Variants in RP2 observed in about 807,000 individuals in gnomAD.
RP2 encodes RP2 activator of ARL3 GTPase.
A neutral mutation model predicts 20.3 loss-of-function variants in RP2; 3 were observed. The ratio of observed to expected loss-of-function variants is 0.15; its 90% CI spans 0.07 to 0.38. The LOEUF is 0.38. RP2 is among the 10% of genes least tolerant of loss of function. The probability of loss-of-function intolerance (pLI) is 1.00; values close to 1 mark genes in which losing one functional copy is unlikely to be tolerated. For missense variants in RP2, 233 were observed against 268.5 expected (o/e 0.87, Z 0.92); for synonymous variants, 75 against 94.8 (o/e 0.79, Z 1.22).
At position 46,839,993 on chromosome X, in the gene RP2, G is replaced by A. The variant is rs782278786; in HGVS notation, c.102+2791G>A. On this transcript the variant is annotated intron_variant, in intron 1 of 4. Coordinates refer to ENST00000218340, the MANE Select transcript of RP2 (RefSeq NM_006915.3). ...TATCTTTTTTTGATGTTTTCTTTTT[G>A]AGATGGAGTCTGGCTCTGTCATCGC... Among the ~76,000 whole-genome samples, 311 of 111,631 alleles carry A rather than the reference G, an allele frequency of 2.8e-3. 2 individuals carry two copies. The highest frequency in any genetic ancestry group is 9.6e-3 in the African/African-American group (295 of 30,751).
chrX:46,850,682 C>G (rs1276921113), intron 1 of RP2, among the ~76,000 whole-genome samples: 1 of 111,680 alleles, frequency 9.0e-6, no homozygotes, highest in Non-Finnish European at 1.9e-5. Flanking sequence ...ACCTAATGAG[C>G]TCTAGCTTAT....
chrX:46,847,722 G>GTGTGTGTATATACACACATA (rs1569531349), intron 1 of RP2, among the ~76,000 whole-genome samples: 816 of 73,499 alleles, frequency 0.011, 15 homozygotes, highest in African/African-American at 0.04. Flanking sequence ...ACACATATAT[G>GTGTGTGTATATACACACATA]TGTGTGTGTA....
chrX:46,865,113 C>CT (rs1925148257), intron 3 of RP2, among the ~76,000 whole-genome samples: 1 of 112,430 alleles, frequency 8.9e-6, no homozygotes, highest in Non-Finnish European at 1.9e-5. Context: ...GTACATTTGT[C>CT]AAAGCTAAGA....
chrX:46,878,624 A>G (rs1925415931), intron 4 of RP2, among the ~76,000 whole-genome samples: 1 of 111,280 alleles, frequency 9.0e-6, no homozygotes, highest in South Asian at 3.7e-4. Context: ...TCATTTTATC[A>G]TCACAGTAGT....
Position 46,842,903 on chromosome X carries a change from A to G in RP2, c.102+5701A>G, listed in dbSNP as rs1309851948. On this transcript the variant is annotated intron_variant, in intron 1 of 4. Coordinates refer to ENST00000218340, the MANE Select transcript of RP2 (RefSeq NM_006915.3). Reference sequence around the variant, plus strand: ...TTTGTCTATTATGGATAATGGTGCTATGAACATTTGTATACAAGTTTTTGT... The same window carrying G: ...TTTGTCTATTATGGATAATGGTGCTGTGAACATTTGTATACAAGTTTTTGT... 1.8e-4 allele frequency among the ~76,000 whole-genome samples: 20 copies of G among 110,841 alleles called. No individual in the cohort carries two copies. In the Admixed American group the frequency reaches 1.8e-3, roughly 10 times the overall value.
At chrX:46,848,155 G>T (rs1376346622) in intron 1 of RP2, among the ~76,000 whole-genome samples, 1 of 108,144 alleles carries the variant, frequency 9.2e-6, no homozygotes, top group Non-Finnish European at 1.9e-5. Flanking sequence ...CTTCTATTCA[G>T]ACTGGATTTT....
chrX:46,837,301 C>T lies in RP2; in HGVS notation c.102+99C>T, dbSNP rs953251788. The T allele has an allele frequency of 9.3e-6, 8 of 857,944 alleles. No homozygotes were observed. In the African/African-American group the frequency reaches 1.4e-4, roughly 15 times the overall value. 70.7% of individuals were successfully genotyped at this position (857,944 alleles called of 1,213,427 possible). On this transcript the variant is annotated intron_variant, in intron 1 of 4. Transcript: ENST00000218340. ...CTGAGGGGGCCGACCCAACTGCTGC[C>T]GCACTCTCTTGAACGCGGATAGCTG... is the stretch of plus-strand genomic sequence containing the variant.
At chrX:46,847,776 G>GTGTGTGTGTATATA (rs1556316807) in intron 1 of RP2, among the ~76,000 whole-genome samples, 1 of 74,620 alleles carries the variant, frequency 1.3e-5, no homozygotes, top group African/African-American at 7.1e-5. Context: ...ATGTGTGTGT[G>GTGTGTGTGTATATA]TACATACACA....
In RP2 at chrX:46,853,655, A is replaced by G. The variant is rs782481252; in HGVS notation, c.282A>G (p.Gly94=). The G allele has an allele frequency of 2.5e-6, 3 of 1,209,930 alleles. No homozygotes were observed. The African/African-American group carries it at 5.2e-5, about 21-fold the overall frequency. Residue 94 remains glycine (G), a synonymous_variant, in exon 2 of 5, where the codon GGA becomes GGG. Transcript: ENST00000218340. ...GTACTAACTGCATAATTTTTCTGGG[A>G]CCCGTGAAAGGCAGCGTGTTTTTCC... ...DDCTNCIIFL[G]PVKGSVFFRN...
intron 1 of RP2, among the ~76,000 whole-genome samples, chrX:46,850,318 T>G (rs1367822000): frequency 8.9e-6 from 1 of 112,199 alleles, no homozygotes; most frequent in Non-Finnish European, 1.9e-5. Context: ...TCATCCCATC[T>G]TCTTCTTCCC....
rs782746455 is a variant in RP2 at position 46,854,040 on chromosome X, A to G, written c.667A>G (p.Ile223Val). 1.7e-5 allele frequency: 21 copies of G among 1,211,803 alleles called. No homozygotes were observed. Among genetic ancestry groups the G allele is most frequent in the Admixed American group, 2.2e-5 (1 of 46,001 alleles). The change falls in exon 2 of 5, where the codon ATA (isoleucine) becomes GTA (valine). Residue 223 changes from isoleucine (I) to valine (V), a missense_variant. Coordinates refer to ENST00000218340, the MANE Select transcript of RP2 (RefSeq NM_006915.3). ...STEANRSIVP[I>V]SRGQRQKSSD... ...AGAAGCCAATAGAAGCATTGTTCCAATATCCCGGGGTCAGAGACAGAAGAG... is the reference window on the plus strand; with the variant it reads ...AGAAGCCAATAGAAGCATTGTTCCAGTATCCCGGGGTCAGAGACAGAAGAG...
Position 46,853,947 on chromosome X carries a change from G to A in RP2, c.574G>A (p.Asp192Asn). 5.8e-6 allele frequency: 7 copies of A among 1,211,906 alleles called. No individual in the cohort carries two copies. The highest frequency in any genetic ancestry group is 7.8e-6 in the Non-Finnish European group (7 of 895,531). ...GELNWSLLPE[D>N]AVVQDYVPIP... The stretch of plus-strand genomic sequence containing the variant: ...ACTCAACTGGAGCCTTCTTCCAGAA[G>A]ATGCTGTGGTTCAGGACTATGTTCC... The change falls in exon 2 of 5, where the codon GAT (aspartate) becomes AAT (asparagine). Residue 192 changes from aspartate (D) to asparagine (N), a missense_variant. Asp to Asn is a conservative substitution (Grantham distance 23). Coordinates refer to ENST00000218340, the MANE Select transcript of RP2 (RefSeq NM_006915.3).
chrX:46,856,902 TATATA>T (rs1237719657), intron 2 of RP2, among the ~76,000 whole-genome samples: 6 of 112,018 alleles, frequency 5.4e-5, no homozygotes, highest in Non-Finnish European at 9.4e-5. Flanking sequence ...ACAAAAGACT[TATATA>T]TTATATTGAG....
intron 3 of RP2, among the ~76,000 whole-genome samples, chrX:46,864,742 A>G (rs1925140551): frequency 8.9e-6 from 1 of 111,854 alleles, no homozygotes; most frequent in Non-Finnish European, 1.9e-5. Flanking sequence ...CACCCCAGAA[A>G]GCCTGATTCA....
intron 2 of RP2, among the ~76,000 whole-genome samples, chrX:46,858,190 C>T (rs1399526358): frequency 9.0e-6 from 1 of 111,652 alleles, no homozygotes; most frequent in African/African-American, 3.3e-5. Context: ...TAAATGTTAA[C>T]AGGCATGCTT....
Position 46,879,696 on chromosome X carries a change from C to T in RP2, c.980C>T (p.Ser327Phe). The T allele has an allele frequency of 8.4e-7, 1 of 1,189,611 alleles. No individual in the cohort carries two copies. Among genetic ancestry groups the T allele is most frequent in the Non-Finnish European group, 1.1e-6 (1 of 878,474 alleles). ...TTCTATTTAAAATAGATGTTTGTAT[C>T]TGAAAGCAAGGAGACGGCATCTGGA... ...EIFNGTKMFVSESKETASGDV... is the reference protein window; with the variant it reads ...EIFNGTKMFVFESKETASGDV... The change falls in exon 5 of 5, where the codon TCT (serine) becomes TTT (phenylalanine). Residue 327 changes from serine (S) to phenylalanine (F), a missense_variant. Transcript: ENST00000218340.
intron 1 of RP2, among the ~76,000 whole-genome samples, chrX:46,842,062 G>C (rs781926144): frequency 9.0e-6 from 1 of 111,597 alleles, no homozygotes; most frequent in Admixed American, 9.6e-5. Context: ...ATAGGCGCGT[G>C]CCACCACACC....
chrX:46,879,075 A>C (rs1163069079), intron 4 of RP2, among the ~76,000 whole-genome samples: 1 of 98,127 alleles, frequency 1.0e-5, no homozygotes, highest in African/African-American at 3.6e-5. Flanking sequence ...AAAAAAAAAA[A>C]AAAAAAAAAA....
In RP2 at chrX:46,837,363, G is replaced by A. The variant is rs376298682; in HGVS notation, c.102+161G>A. ...CACGACTTTTTTGGGGAGCGGGGAC[G>A]TGAAGTACAGCGCTAGAGAGGCCGC... On this transcript the variant is annotated intron_variant, in intron 1 of 4. Coordinates refer to ENST00000218340, the MANE Select transcript of RP2 (RefSeq NM_006915.3). Among the ~76,000 whole-genome samples, 5 of 111,666 alleles carry A rather than the reference G, an allele frequency of 4.5e-5. No individual in the cohort carries two copies. In the East Asian group the frequency reaches 8.5e-4, roughly 19 times the overall value.
Sources: allele counts gnomAD v4.1 joint callset (sites outside exome capture counted in the v4.1 genomes callset), GRCh38; gene constraint gnomAD v4.1.1; transcripts MANE v1.5; gene names NCBI Gene and HGNC (gene_info 2026-07-23, HGNC 2026-07-21).